The following DELE1 variants were observed in gnomAD, a reference collection of about 807,000 sequenced individuals.
DELE1 encodes DAP3 binding cell death enhancer 1, also known as death ligand signal enhancer.
In DELE1, 54 loss-of-function variants were observed where a neutral mutation model predicts 59.3. That is an observed-to-expected ratio of 0.91 (90% CI 0.73 to 1.14). The LOEUF (loss-of-function observed/expected upper bound fraction) is 1.14. Among genes scored for constraint, DELE1 ranks in the 50% most tolerant of loss-of-function variants. The pLI is 0.00. For synonymous variants in DELE1, 264 were observed against 259.1 expected (o/e 1.02, Z -0.18); for missense variants, 636 against 643.9 (o/e 0.99, Z 0.13).
chr5:141,941,598 G>A lies in DELE1; in HGVS notation c.*2839G>A, dbSNP rs1224112728. On this transcript the variant is annotated 3_prime_UTR_variant, in exon 12 of 12. Coordinates refer to ENST00000432126, the MANE Select transcript of DELE1 (RefSeq NM_014773.5). Reference sequence around the variant, plus strand: ...AGAGGGAGGTGGCTCCCATCAGCAGGGCCAGCCTGGGTCAGGATGCTGGGT... The same window carrying A: ...AGAGGGAGGTGGCTCCCATCAGCAGAGCCAGCCTGGGTCAGGATGCTGGGT... 1 of 985,326 alleles carries A rather than the reference G, an allele frequency of 1.0e-6. No homozygotes were observed. The highest frequency in any genetic ancestry group is 1.2e-6 in the Non-Finnish European group (1 of 829,984). 61.0% of individuals were successfully genotyped at this position (985,326 alleles called of 1,614,324 possible). A position where few individuals can be genotyped will look rare whatever the true frequency, so the allele number is the denominator to read the frequency against.
chr5:141,924,106 G>A (rs1386463964), intron 1 of DELE1, 134 bp downstream of exon 1: 6 of 1,126,702 alleles, frequency 5.3e-6, no homozygotes, highest in Non-Finnish European at 7.9e-6. Flanking sequence ...GAAAGAGGGC[G>A]GGGAAGTCAG....
chr5:141,940,864 AAAAC>A lies in DELE1; in HGVS notation c.*2113_*2116del, dbSNP rs1266496811. The A allele has an allele frequency of 5.1e-6, 5 of 985,368 alleles. No individual in the cohort carries two copies. In the African/African-American group the frequency reaches 5.2e-5, roughly 10 times the overall value. 61.0% of individuals were successfully genotyped at this position (985,368 alleles called of 1,614,324 possible). ...TGCAGTGCACTAAGCTCTCTGCCAA[AAAAC>A]AAACAAAAAAAGGTTTCTGTGGTTA... On this transcript the variant is annotated 3_prime_UTR_variant, in exon 12 of 12. Transcript: ENST00000432126.
At chr5:141,924,820 A>G (rs1751253925) in intron 2 of DELE1, 125 bp downstream of exon 2, 2 of 633,540 alleles carry the variant, frequency 3.2e-6, no homozygotes, top group South Asian at 2.0e-5. Flanking sequence ...CAGTGGGGCA[A>G]TCTCAGCTCA....
intron 7 of DELE1, 62 bp downstream of exon 7, chr5:141,930,336 C>A: frequency 8.2e-7 from 1 of 1,213,670 alleles, no homozygotes; most frequent in Non-Finnish European, 1.2e-6. Flanking sequence ...TATGGGGTAG[C>A]TCAGATATAG....
chr5:141,932,411 T>C (rs1751984975), intron 7 of DELE1, among the ~76,000 whole-genome samples: 1 of 152,182 alleles, frequency 6.6e-6, no homozygotes, highest in Non-Finnish European at 1.5e-5. Flanking sequence ...GGTTTGTTGG[T>C]TATGAGCAAC....
Position 141,942,042 on chromosome 5 carries a change from G to T in DELE1, c.*3283G>T. 4 of 985,368 alleles carry T rather than the reference G, an allele frequency of 4.1e-6. No homozygotes were observed. Among genetic ancestry groups the T allele is most frequent in the Non-Finnish European group, 4.8e-6 (4 of 829,918 alleles). 61.0% of individuals were successfully genotyped at this position (985,368 alleles called of 1,614,324 possible). A position where few individuals can be genotyped will look rare whatever the true frequency, so the allele number is the denominator to read the frequency against. The stretch of plus-strand genomic sequence containing the variant: ...ATTATTCAATAAACACAAAATGTTT[G>T]TTGCATGAGTGTTTCTGATCATGTC... On this transcript the variant is annotated 3_prime_UTR_variant, in exon 12 of 12. Coordinates refer to ENST00000432126, the MANE Select transcript of DELE1 (RefSeq NM_014773.5).
chr5:141,934,526 G>A lies in DELE1; in HGVS notation c.1089G>A (p.Lys363=). The change falls in exon 10 of 12, where the codon AAG becomes AAA. Residue 363 remains lysine (K), a synonymous_variant. Coordinates refer to ENST00000432126, the MANE Select transcript of DELE1 (RefSeq NM_014773.5). The part of the protein sequence containing the change: ...AQAFLGVLFT[K]EPYLDEQRAV... ...CTTTCCTCGGGGTGCTTTTCACCAA[G>A]GAGCCCTACCTGGATGAGCAGAGAG... is the stretch of plus-strand genomic sequence containing the variant. 2 of 1,614,254 alleles carry A rather than the reference G, an allele frequency of 1.2e-6. No individual in the cohort carries two copies. The highest frequency in any genetic ancestry group is 1.7e-6 in the Non-Finnish European group (2 of 1,180,044).
At chr5:141,937,610 A>AATATAAAAAAAATATAAAAT (rs1752465736) in intron 11 of DELE1, among the ~76,000 whole-genome samples, 1 of 147,150 alleles carries the variant, frequency 6.8e-6, no homozygotes, top group Non-Finnish European at 1.5e-5. Flanking sequence ...CTCTATTAAA[A>AATATAAAAAAAATATAAAAT]ATATAAAAAA....
Position 141,941,436 on chromosome 5 carries a change from G to C in DELE1, c.*2677G>C, listed in dbSNP as rs1752730924. 1 of 985,408 alleles carries C rather than the reference G, an allele frequency of 1.0e-6. No individual in the cohort carries two copies. The highest frequency in any genetic ancestry group is 6.1e-5 in the Admixed American group (1 of 16,264). The allele number at this position is 985,408 out of a possible 1,614,324, so 61.0% of individuals were successfully genotyped here. On this transcript the variant is annotated 3_prime_UTR_variant, in exon 12 of 12. Transcript: ENST00000432126. ...GTCAAGGGACCAAAAATCCTTGGCT[G>C]TTCAGTCACTGCGGTCTTGATCCAG...
Position 141,938,385 on chromosome 5 carries a change from C to G in DELE1, c.1310-136C>G, listed in dbSNP as rs1288086581. On this transcript the variant is annotated intron_variant, in intron 11 of 11. Transcript: ENST00000432126. ...ATTACCCTTCTAGGGCTCTAAGAGC[C>G]CTGCTCACTCATGAGTCACTGGGGT... 29 of 1,348,430 alleles carry G rather than the reference C, an allele frequency of 2.2e-5. No individual in the cohort carries two copies. The East Asian group carries it at 6.5e-4, about 30-fold the overall frequency. 83.5% of individuals were successfully genotyped at this position (1,348,430 alleles called of 1,614,324 possible).
At chr5:141,930,975 C>G (rs1289484946) in intron 7 of DELE1, among the ~76,000 whole-genome samples, 1 of 152,110 alleles carries the variant, frequency 6.6e-6, no homozygotes, top group Non-Finnish European at 1.5e-5. Flanking sequence ...ACTGGGGATA[C>G]AGTGATTTAC....
rs1042434907 is a variant in DELE1, at chr5:141,941,963, GCA to G, written c.*3210_*3211del. 367 of 984,068 alleles carry G rather than the reference GCA, an allele frequency of 3.7e-4. No individual in the cohort carries two copies. Among genetic ancestry groups the G allele is most frequent in the Non-Finnish European group, 4.3e-4 (360 of 829,664 alleles). 61.0% of individuals were successfully genotyped at this position (984,068 alleles called of 1,614,324 possible). A position where few individuals can be genotyped will look rare whatever the true frequency, so the allele number is the denominator to read the frequency against. The stretch of plus-strand genomic sequence containing the variant: ...CCCCCCACTCGCCGCCTATACACAC[GCA>G]CACACGCACACACACACACACGGTT... On this transcript the variant is annotated 3_prime_UTR_variant, in exon 12 of 12. Coordinates refer to ENST00000432126, the MANE Select transcript of DELE1 (RefSeq NM_014773.5).
intron 4 of DELE1, among the ~76,000 whole-genome samples, chr5:141,928,869 A>T (rs1277149573): frequency 6.6e-6 from 1 of 152,100 alleles, no homozygotes; most frequent in Non-Finnish European, 1.5e-5. Flanking sequence ...CATGTCAAGG[A>T]CTTAGGGCAG....
chr5:141,933,356 C>A lies in DELE1; in HGVS notation c.852C>A (p.Gly284=). Residue 284 remains glycine, a synonymous_variant, in exon 8 of 12, where the codon GGC becomes GGA. Transcript: ENST00000432126. ...RGYSKAQYNA[G]LCHEHGRGTP... is the part of the protein sequence containing the mutation. ...ACAGCAAAGCGCAGTACAATGCGGG[C>A]TTGTGTCATGAGCATGGCAGAGGCA... is the stretch of plus-strand genomic sequence containing the variant. The A allele has an allele frequency of 6.5e-7, 1 of 1,532,000 alleles. No individual in the cohort carries two copies. Among genetic ancestry groups the A allele is most frequent in the Non-Finnish European group, 8.9e-7 (1 of 1,123,562 alleles). The allele number at this position is 1,532,000 out of a possible 1,614,324, so 94.9% of individuals were successfully genotyped here. A position where few individuals can be genotyped will look rare whatever the true frequency, so the allele number is the denominator to read the frequency against.
chr5:141,941,223 C>T lies in DELE1; in HGVS notation c.*2464C>T, dbSNP rs1279458850. On this transcript the variant is annotated 3_prime_UTR_variant, in exon 12 of 12. Coordinates refer to ENST00000432126, the MANE Select transcript of DELE1 (RefSeq NM_014773.5). ...GTTCACAGTCTGGCCACTGGGCGTCCTGTGGTGAAGGCCAGATGCAGCCCT... is the reference window on the plus strand; with the variant it reads ...GTTCACAGTCTGGCCACTGGGCGTCTTGTGGTGAAGGCCAGATGCAGCCCT... The T allele has an allele frequency of 2.0e-6, 2 of 985,398 alleles. No homozygotes were observed. Among genetic ancestry groups the T allele is most frequent in the Admixed American group, 1.2e-4 (2 of 16,272 alleles). 61.0% of individuals were successfully genotyped at this position (985,398 alleles called of 1,614,324 possible).
rs1204202120 is a variant in DELE1, at chr5:141,934,565, T to C, written c.1128T>C (p.Leu376=). 5.6e-6 allele frequency: 9 copies of C among 1,614,266 alleles called. No individual in the cohort carries two copies. Among genetic ancestry groups the C allele is most frequent in the African/African-American group, 1.3e-5 (1 of 75,076 alleles). ...YLDEQRAVKY[L]WLAANNGDSQ... is the part of the protein sequence containing the mutation. ...ATGAGCAGAGAGCTGTGAAATATCT[T>C]TGGCTTGCAGCCAACAATGGGGTAT... The change falls in exon 10 of 12, where the codon CTT becomes CTC. Residue 376 remains leucine, a synonymous_variant. Transcript: ENST00000432126.
At chr5:141,924,028 T>G (rs906767873) in intron 1 of DELE1, 56 bp downstream of exon 1, 46 of 1,582,540 alleles carry the variant, frequency 2.9e-5, no homozygotes, top group Non-Finnish European at 3.6e-5. Context: ...CGAACTGGAG[T>G]GGGGGCGGGC....
Position 141,940,812 on chromosome 5 carries a change from A to C in DELE1, c.*2053A>C. ...GGCCCCATGCAGGGTAGGAAACCTG[A>C]GGTTTCAAGCTCAGGGTTTTAAGCT... is the stretch of plus-strand genomic sequence containing the variant. On this transcript the variant is annotated 3_prime_UTR_variant, in exon 12 of 12. Transcript: ENST00000432126. 1.0e-6 allele frequency: 1 copy of C among 985,418 alleles called. No homozygotes were observed. The highest frequency in any genetic ancestry group is 6.1e-5 in the Admixed American group (1 of 16,280). The allele number at this position is 985,418 out of a possible 1,614,324, so 61.0% of individuals were successfully genotyped here. A position where few individuals can be genotyped will look rare whatever the true frequency, so the allele number is the denominator to read the frequency against.
Position 141,939,952 on chromosome 5 carries a change from T to A in DELE1, c.*1193T>A, listed in dbSNP as rs1407475856. Reference sequence around the variant, plus strand: ...AGGGTGAGGACCTGGGCCTCCTGACTCCTGGCCCAGAGTTCTTGTCCATCA... The same window carrying A: ...AGGGTGAGGACCTGGGCCTCCTGACACCTGGCCCAGAGTTCTTGTCCATCA... On this transcript the variant is annotated 3_prime_UTR_variant, in exon 12 of 12. Transcript: ENST00000432126. 3.6e-5 allele frequency: 34 copies of A among 949,276 alleles called. No homozygotes were observed. Among genetic ancestry groups the A allele is most frequent in the Non-Finnish European group, 4.3e-5 (34 of 797,260 alleles). The allele number at this position is 949,276 out of a possible 1,614,324, so 58.8% of individuals were successfully genotyped here. A position where few individuals can be genotyped will look rare whatever the true frequency, so the allele number is the denominator to read the frequency against.
Sources: allele counts gnomAD v4.1 joint callset (sites outside exome capture counted in the v4.1 genomes callset), GRCh38; gene constraint gnomAD v4.1.1; transcripts MANE v1.5; gene names NCBI Gene and HGNC (gene_info 2026-07-23, HGNC 2026-07-21).